RIT2: variants seen among roughly 807,000 people sequenced by gnomAD.
RIT2 encodes GTP-binding protein Rit2.
RIT2 carries 24 observed loss-of-function variants against 23.7 expected under a neutral mutation model. The observed-to-expected ratio is 1.01, with a 90% CI of 0.73 to 1.43. The LOEUF is 1.43. RIT2 is among the 40% of genes most tolerant of loss of function. RIT2 has a pLI of 0.00. For synonymous variants in RIT2, 107 were observed against 91.1 expected (o/e 1.17, Z -0.99); for missense variants, 236 against 266.9 (o/e 0.88, Z 0.81).
At chr18:42,990,462 C>T (rs1444866884) in intron 2 of RIT2, among the ~76,000 whole-genome samples, 1 of 152,222 alleles carries the variant, frequency 6.6e-6, no homozygotes, top group Non-Finnish European at 1.5e-5. Context: ...AACCATCACA[C>T]TTGCCTATGA....
intron 1 of RIT2, among the ~76,000 whole-genome samples, chr18:43,114,340 T>A (rs957304510): frequency 2.6e-5 from 4 of 152,076 alleles, no homozygotes; most frequent in African/African-American, 9.7e-5. Context: ...AAAGTCACAA[T>A]CTCCTTCCTC....
At chr18:42,824,695 G>A (rs1376097710) in intron 4 of RIT2, among the ~76,000 whole-genome samples, 2 of 151,752 alleles carry the variant, frequency 1.3e-5, no homozygotes, top group African/African-American at 4.8e-5. Flanking sequence ...TTCATATCAA[G>A]TTATTCTCCT....
At chr18:42,983,290 G>GTT (rs1474535614) in intron 2 of RIT2, among the ~76,000 whole-genome samples, 1 of 151,980 alleles carries the variant, frequency 6.6e-6, no homozygotes, top group Non-Finnish European at 1.5e-5. Flanking sequence ...CAGTGGTGTG[G>GTT]GACCAACTAA....
intron 1 of RIT2, among the ~76,000 whole-genome samples, chr18:43,074,384 G>C (rs1302294449): frequency 6.6e-6 from 1 of 152,064 alleles, no homozygotes; most frequent in East Asian, 1.9e-4. Context: ...CTGTACAAAT[G>C]GTTCTGTAAC....
At chr18:42,967,875 C>T (rs1910273223) in intron 3 of RIT2, among the ~76,000 whole-genome samples, 1 of 151,868 alleles carries the variant, frequency 6.6e-6, no homozygotes, top group African/African-American at 2.4e-5. Context: ...TTTTATCTTA[C>T]ATTTTAAAAT....
chr18:42,934,722 T>C (rs1052529038), intron 3 of RIT2, among the ~76,000 whole-genome samples: 1 of 152,206 alleles, frequency 6.6e-6, no homozygotes, highest in Non-Finnish European at 1.5e-5. Context: ...TGTTTTATTA[T>C]TTTAAAATGT....
chr18:42,821,202 C>T (rs899529374), intron 4 of RIT2, among the ~76,000 whole-genome samples: 2 of 152,016 alleles, frequency 1.3e-5, no homozygotes, highest in African/African-American at 4.8e-5. Context: ...CAAATACAGA[C>T]CCTGATAGAG....
intron 2 of RIT2, among the ~76,000 whole-genome samples, chr18:43,032,422 T>A (rs1911877867): frequency 6.6e-6 from 1 of 152,056 alleles, no homozygotes; most frequent in Non-Finnish European, 1.5e-5. Context: ...ATTTCTGATA[T>A]CATAAATTAT....
chr18:42,939,297 A>G, intron 3 of RIT2, among the ~76,000 whole-genome samples: 1 of 152,226 alleles, frequency 6.6e-6, no homozygotes, highest in Non-Finnish European at 1.5e-5. Flanking sequence ...CTGTGCAATG[A>G]AGTTAAAAAG....
intron 1 of RIT2, among the ~76,000 whole-genome samples, chr18:43,095,244 G>C (rs1170061933): frequency 2.0e-5 from 3 of 151,978 alleles, no homozygotes; most frequent in Admixed American, 2.0e-4. Flanking sequence ...ACTTTTTAAT[G>C]ATCATCATTC....
At position 42,871,592 on chromosome 18, in the gene RIT2, A is replaced by G. The variant is rs1469422458; in HGVS notation, c.426+51980T>C. 2.6e-5 allele frequency among the ~76,000 whole-genome samples: 4 copies of G among 152,184 alleles called. 1 individual carries two copies. Among genetic ancestry groups the G allele is most frequent in the East Asian group, 3.9e-4 (2 of 5,194 alleles). ...AGATAACCAAATGTCATGGACGCAT[A>G]CTACTGAGGAAAACTTAAAAGCCAA... On this transcript the variant is annotated intron_variant, in intron 4 of 4. Transcript: ENST00000326695.
intron 1 of RIT2, among the ~76,000 whole-genome samples, chr18:43,038,313 G>T (rs567293336): frequency 4.9e-4 from 67 of 136,818 alleles, no homozygotes; most frequent in African/African-American, 1.5e-3. Flanking sequence ...TTGAATCGTG[G>T]TTTTTTTTTT....
At chr18:43,068,935 A>C (rs1022667559) in intron 1 of RIT2, among the ~76,000 whole-genome samples, 16 of 152,076 alleles carry the variant, frequency 1.1e-4, no homozygotes, top group African/African-American at 3.4e-4. Context: ...AGGGCTAGGA[A>C]AAATGAGGCT....
At chr18:42,884,240 T>C (rs774476137) in intron 4 of RIT2, among the ~76,000 whole-genome samples, 1 of 152,186 alleles carries the variant, frequency 6.6e-6, no homozygotes, top group Non-Finnish European at 1.5e-5. Context: ...TAAGGTTGCT[T>C]GTCCCCTACT....
intron 4 of RIT2, among the ~76,000 whole-genome samples, chr18:42,918,548 A>G (rs1014914130): frequency 1.3e-5 from 2 of 152,140 alleles, no homozygotes; most frequent in East Asian, 1.9e-4. Flanking sequence ...AAATTTTCCA[A>G]TGCACTGATG....
chr18:42,813,168 G>C (rs1905899608), intron 4 of RIT2, among the ~76,000 whole-genome samples: 1 of 152,148 alleles, frequency 6.6e-6, no homozygotes, highest in South Asian at 2.1e-4. Flanking sequence ...AATAAATAGA[G>C]AGTTTTTACT....
chr18:43,099,089 T>C (rs1913622594), intron 1 of RIT2, among the ~76,000 whole-genome samples: 1 of 152,024 alleles, frequency 6.6e-6, no homozygotes, highest in South Asian at 2.1e-4. Context: ...TTGGAAAAGA[T>C]AATCAGAAAA....
intron 1 of RIT2, among the ~76,000 whole-genome samples, chr18:43,042,194 G>GA (rs1260502290): frequency 6.6e-6 from 1 of 152,186 alleles, no homozygotes; most frequent in East Asian, 1.9e-4. Flanking sequence ...TTGGGACCAT[G>GA]AAAAAATTAC....
intron 1 of RIT2, 61 bp downstream of exon 1, chr18:43,115,356 A>T: frequency 6.3e-7 from 1 of 1,583,294 alleles, no homozygotes; most frequent in Non-Finnish European, 8.6e-7. Context: ...TTTTTCTTTC[A>T]CTCTATAGAG....
Sources: allele counts gnomAD v4.1 joint callset (sites outside exome capture counted in the v4.1 genomes callset), GRCh38; gene constraint gnomAD v4.1.1; transcripts MANE v1.5; gene names NCBI Gene and HGNC (gene_info 2026-07-23, HGNC 2026-07-21).